Variants in LINGO3 observed in about 807,000 individuals in gnomAD.
LINGO3 encodes leucine rich repeat and Ig domain containing 3, also known as leucine-rich repeat and immunoglobulin-like domain-containing nogo receptor-interacting protein 3.
For synonymous variants in LINGO3, 427 were observed against 444.2 expected (o/e 0.96, Z 0.49); for missense variants, 750 against 867.7 (o/e 0.86, Z 1.70).
the LINGO3 span, among the ~76,000 whole-genome samples, chr19:2,299,070 C>T: frequency 1.1e-4 from 17 of 152,184 alleles, no homozygotes; most frequent in Admixed American, 1.0e-3. Flanking sequence ...CCGGGGCACC[C>T]TCCAAGCTCT....
chr19:2,297,933 T>C, the LINGO3 span, among the ~76,000 whole-genome samples: 18 of 152,112 alleles, frequency 1.2e-4, no homozygotes, highest in Middle Eastern at 6.8e-3. Context: ...GGTCTTGCTC[T>C]GTCGCCCAGT....
chr19:2,303,369 C>G, the LINGO3 span, among the ~76,000 whole-genome samples: 1 of 136,312 alleles, frequency 7.3e-6, no homozygotes, highest in Non-Finnish European at 1.6e-5. Flanking sequence ...GGGGGGGGGT[C>G]TGTTCCGGGC....
chr19:2,291,815 C>T (rs1388184278), exon 1 of LINGO3: 2 of 1,453,426 alleles, frequency 1.4e-6, no homozygotes, highest in South Asian at 1.2e-5. Flanking sequence ...CACCATCCTC[C>T]TGCGCACCTG....
chr19:2,307,222 G>T, the LINGO3 span, among the ~76,000 whole-genome samples: 2 of 152,346 alleles, frequency 1.3e-5, no homozygotes, highest in South Asian at 2.1e-4. Context: ...GCCAGGGACC[G>T]CTTGCTAAAA....
chr19:2,290,646 C>T lies in LINGO3; in HGVS notation c.1131G>A (p.Pro377=), dbSNP rs982353569. 1 of 1,601,238 alleles carries T rather than the reference C, an allele frequency of 6.2e-7. No homozygotes were observed. The highest frequency in any genetic ancestry group is 8.5e-7 in the Non-Finnish European group (1 of 1,176,366). ...GCACCTCGGCCGGGGTGGCGCAGGC[C>T]GGCAGCCGCCCGTCGAAGTTGAGGG... The change falls in exon 1 of 1, where the codon CCG becomes CCA. Residue 377 remains proline (P), a synonymous_variant. Transcript: ENST00000585527. The surrounding 1 kb of genome is among the most constrained non-coding windows in gnomAD (Gnocchi z 6.0).
chr19:2,293,266 G>A (rs779927361), upstream of LINGO3, among the ~76,000 whole-genome samples: 5 of 151,552 alleles, frequency 3.3e-5, no homozygotes, highest in African/African-American at 7.3e-5. Flanking sequence ...GGATTTCACC[G>A]TGTTAGCCAG....
At position 2,290,684 on chromosome 19, in the gene LINGO3, G is replaced by A; in HGVS notation, c.1093C>T (p.Gln365Ter). 6.2e-7 allele frequency: 1 copy of A among 1,610,006 alleles called. No homozygotes were observed. The highest frequency in any genetic ancestry group is 1.1e-5 in the South Asian group (1 of 90,894). Reference sequence around the variant, plus strand: ...TCGAAGTTGAGGGTCTTGCGACGCTGCACGATCCACAGCAGGCGACAGTCG... The same window carrying A: ...TCGAAGTTGAGGGTCTTGCGACGCTACACGATCCACAGCAGGCGACAGTCG... Residue 365 changes from glutamine (Q) to a stop codon, truncating the protein, a stop_gained, in exon 1 of 1, where the codon CAG (glutamine) becomes TAG (stop). Transcript: ENST00000585527. LOFTEE classifies it low-confidence loss of function (END_TRUNC). This position sits in a 1 kb window ranked among gnomAD's most constrained non-coding sequence, Gnocchi z 6.0.
At chr19:2,288,363 G>A (rs1004408904), downstream of LINGO3, among the ~76,000 whole-genome samples, 2 of 152,194 alleles carry the variant, frequency 1.3e-5, no homozygotes, top group African/African-American at 4.8e-5. The surrounding 1 kb of genome is among the most constrained non-coding windows in gnomAD (Gnocchi z 6.5). Context: ...GGAACCCCCT[G>A]TGCTCTTTGG....
At position 2,291,390 on chromosome 19, in the gene LINGO3, C is replaced by T. The variant is rs757347936; in HGVS notation, c.387G>A (p.Thr129=). Reference sequence around the variant, plus strand: ...GCTTGTTCTCGCTCAGGTCCAGCAGCGTGAGGTTGTCCAGGCGCGTGAAGA... The same window carrying T: ...GCTTGTTCTCGCTCAGGTCCAGCAGTGTGAGGTTGTCCAGGCGCGTGAAGA... The change falls in exon 1 of 1, where the codon ACG becomes ACA. Residue 129 remains threonine (T), a synonymous_variant. Coordinates refer to ENST00000585527, the Ensembl canonical transcript of LINGO3. The T allele has an allele frequency of 5.6e-6, 9 of 1,613,388 alleles. No homozygotes were observed. The East Asian group carries it at 1.1e-4, about 20-fold the overall frequency.
Position 2,290,714 on chromosome 19 carries a change from C to A in LINGO3, c.1063G>T (p.Ala355Ser). The A allele has an allele frequency of 6.2e-7, 1 of 1,612,260 alleles. No homozygotes were observed. The highest frequency in any genetic ancestry group is 8.5e-7 in the Non-Finnish European group (1 of 1,179,596). The stretch of plus-strand genomic sequence containing the variant: ...ATCCACAGCAGGCGACAGTCGCAGG[C>A]CAGCGGGTTCCCGTCCACGCGCAGC... Residue 355 changes from alanine to serine, a missense_variant, in exon 1 of 1, where the codon GCC becomes TCC. Ala to Ser is a moderately conservative substitution (Grantham distance 99). Transcript: ENST00000585527. The surrounding 1 kb of genome is among the most constrained non-coding windows in gnomAD (Gnocchi z 6.0).
rs2025512176 is a variant in LINGO3 at position 2,290,869 on chromosome 19, C to A, written c.908G>T (p.Gly303Val). 1 of 1,611,436 alleles carries A rather than the reference C, an allele frequency of 6.2e-7. No homozygotes were observed. Among genetic ancestry groups the A allele is most frequent in the Non-Finnish European group, 8.5e-7 (1 of 1,179,182 alleles). ...CGGCTCCACCACAGCCAGCAGGGCC[C>A]CGGCCAGGTGCAGCTCGCGCAGGCG... The change falls in exon 1 of 1, where the codon GGG (glycine) becomes GTG (valine). Residue 303 changes from glycine (G) to valine (V), a missense_variant. Physicochemically the swap from Gly to Val is moderately radical, Grantham distance 109 (BLOSUM62 -3). Coordinates refer to ENST00000585527, the Ensembl canonical transcript of LINGO3. The surrounding 1 kb of genome is among the most constrained non-coding windows in gnomAD (Gnocchi z 6.0).
chr19:2,290,143 C>G lies in LINGO3; in HGVS notation c.1634G>C (p.Cys545Ser), dbSNP rs770706513. The G allele has an allele frequency of 6.2e-7, 1 of 1,612,496 alleles. No individual in the cohort carries two copies. The highest frequency in any genetic ancestry group is 8.5e-7 in the Non-Finnish European group (1 of 1,179,582). The change falls in exon 1 of 1, where the codon TGC (cysteine) becomes TCC (serine). Residue 545 changes from cysteine (C) to serine (S), a missense_variant. Physicochemically the swap from Cys to Ser is moderately radical, Grantham distance 112 (BLOSUM62 -1). Transcript: ENST00000585527. This position sits in a 1 kb window ranked among gnomAD's most constrained non-coding sequence, Gnocchi z 6.0. ...GCTCCACACGAACAGCAGCACGAAG[C>G]AGAAGAGGACCACGCCCAGGAAGGT...
the LINGO3 span, among the ~76,000 whole-genome samples, chr19:2,297,254 T>C: frequency 6.8e-6 from 1 of 146,402 alleles, no homozygotes; most frequent in African/African-American, 2.6e-5. Flanking sequence ...TGCAGACCCC[T>C]CACCCTGCTC....
chr19:2,306,425 G>C, the LINGO3 span, among the ~76,000 whole-genome samples: 1 of 152,202 alleles, frequency 6.6e-6, no homozygotes, highest in African/African-American at 2.4e-5. Flanking sequence ...CTGGTGACGA[G>C]GTAGTGACTC....
At chr19:2,295,084 G>T (rs1307892206), upstream of LINGO3, among the ~76,000 whole-genome samples, 1 of 152,168 alleles carries the variant, frequency 6.6e-6, no homozygotes, top group Admixed American at 6.5e-5. Flanking sequence ...ATCCCAGAGC[G>T]AACAGACGCG....
the LINGO3 span, among the ~76,000 whole-genome samples, chr19:2,307,431 C>G: frequency 2.0e-5 from 3 of 152,190 alleles, no homozygotes; most frequent in Non-Finnish European, 4.4e-5. Context: ...GAATGGGACT[C>G]AGGGCCTCCC....
exon 1 of LINGO3, chr19:2,291,166 C>T (rs1243653889): frequency 1.2e-6 from 2 of 1,607,526 alleles, no homozygotes; most frequent in South Asian, 1.1e-5. Context: ...GTGGCGCAGC[C>T]GCAGGGCGCC....
the LINGO3 span, among the ~76,000 whole-genome samples, chr19:2,303,870 A>G: frequency 5.9e-5 from 9 of 152,384 alleles, no homozygotes; most frequent in Admixed American, 2.0e-4. Context: ...CTCCAGAGCC[A>G]GGACAAGAAC....
chr19:2,291,732 C>G (rs2025525902), exon 1 of LINGO3: 1 of 1,348,070 alleles, frequency 7.4e-7, no homozygotes, highest in Non-Finnish European at 9.5e-7. Flanking sequence ...GCGCCGCGGG[C>G]AGCAGGAGCA....
Sources: allele counts gnomAD v4.1 joint callset (sites outside exome capture counted in the v4.1 genomes callset), GRCh38; gene constraint gnomAD v4.1.1; non-coding constraint Gnocchi (gnomAD v3.1); transcripts MANE v1.5; gene names NCBI Gene and HGNC (gene_info 2026-07-23, HGNC 2026-07-21).